The following NOL4 variants were observed in gnomAD, a reference collection of about 807,000 sequenced individuals.
NOL4 encodes the protein cancer/testis antigen 125.
Under a neutral mutation model 75.9 loss-of-function variants are expected in NOL4, and 17 were observed. That is an observed-to-expected ratio of 0.22 (90% confidence interval 0.15 to 0.34). NOL4 has a LOEUF of 0.34. Ranked by LOEUF, NOL4 falls within the 10% of genes least tolerant of loss-of-function variation. The probability of loss-of-function intolerance (pLI) is 1.00; values close to 1 mark genes in which losing one functional copy is unlikely to be tolerated. For missense variants in NOL4, 614 were observed against 793.5 expected, an observed-to-expected ratio of 0.77 and a Z score of 2.72; for synonymous variants, 292 against 289.9, an observed-to-expected ratio of 1.01 and a Z score of -0.07.
rs879620026 is a variant in NOL4, at chr18:33,930,831, C to A, written c.1542+12234G>T. ...AATATAAATGTATATCAGGAGACAA[C>A]TTAAAATAGTTGAATGAAAAATAAA... On this transcript the variant is annotated intron_variant, in intron 9 of 10. Transcript: ENST00000261592. 1.1e-4 allele frequency among the ~76,000 whole-genome samples: 16 copies of A among 152,012 alleles called. No individual in the cohort carries two copies. The East Asian group carries it at 3.1e-3, about 29-fold the overall frequency.
In NOL4 at chr18:33,852,753, T is replaced by C; in HGVS notation, c.*89A>G. ...GTATTTCTCTTAAAAGACTGTGCAG[T>C]AAGACCAGAAGTATCTCTGTTGGGA... is the stretch of plus-strand genomic sequence containing the variant. On this transcript the variant is annotated 3_prime_UTR_variant, in exon 11 of 11. Coordinates refer to ENST00000261592, the MANE Select transcript of NOL4 (RefSeq NM_003787.5). The C allele has an allele frequency of 8.8e-7, 1 of 1,133,246 alleles. No individual in the cohort carries two copies. The highest frequency in any genetic ancestry group is 1.3e-6 in the Non-Finnish European group (1 of 784,512). 70.2% of individuals were successfully genotyped at this position (1,133,246 alleles called of 1,614,324 possible).
At chr18:33,971,603 T>C (rs2071069456) in intron 6 of NOL4, among the ~76,000 whole-genome samples, 1 of 152,172 alleles carries the variant, frequency 6.6e-6, no homozygotes, top group African/African-American at 2.4e-5. Context: ...CTGTAAGTGA[T>C]GTTGGGAGAC....
At chr18:34,207,653 G>T (rs1423049741) in intron 1 of NOL4, among the ~76,000 whole-genome samples, 1 of 152,144 alleles carries the variant, frequency 6.6e-6, no homozygotes, top group Non-Finnish European at 1.5e-5. Context: ...ATTCCCAACA[G>T]ATTACTTTTT....
intron 4 of NOL4, among the ~76,000 whole-genome samples, chr18:34,094,703 G>C (rs1487806708): frequency 6.6e-6 from 1 of 152,186 alleles, no homozygotes; most frequent in South Asian, 2.1e-4. Context: ...TGTTTGATCT[G>C]AACGTTTAAC....
rs116083680 is a variant in NOL4, at chr18:34,184,954, T to A, written c.264+38036A>T. Among the ~76,000 whole-genome samples the A allele has an allele frequency of 5.9e-3, 903 of 152,250 alleles. 7 individuals are homozygous for A. Among genetic ancestry groups the A allele is most frequent in the African/African-American group, 0.021 (862 of 41,564 alleles). On this transcript the variant is annotated intron_variant, in intron 1 of 10. Coordinates refer to ENST00000261592, the MANE Select transcript of NOL4 (RefSeq NM_003787.5). The stretch of plus-strand genomic sequence containing the variant: ...AATTCAGAAGCGGTGAGCAGAAACC[T>A]GTGGAGGCTAAATAGGACCTCAGAT...
intron 1 of NOL4, among the ~76,000 whole-genome samples, chr18:34,196,796 T>C (rs1047009316): frequency 6.6e-6 from 1 of 152,070 alleles, no homozygotes; most frequent in African/African-American, 2.4e-5. Flanking sequence ...AGAAACTAAA[T>C]AATATTAAAC....
intron 9 of NOL4, among the ~76,000 whole-genome samples, chr18:33,939,092 T>C (rs756543530): frequency 6.6e-6 from 1 of 152,102 alleles, no homozygotes; most frequent in Non-Finnish European, 1.5e-5. Context: ...GTTGTAGATG[T>C]GTGGTGTTAT....
chr18:34,154,584 G>A (rs987241898), intron 1 of NOL4, among the ~76,000 whole-genome samples: 6 of 151,760 alleles, frequency 4.0e-5, no homozygotes, highest in Admixed American at 2.6e-4. Context: ...TTTTTTTCAG[G>A]AAAAACATTA....
At position 33,887,100 on chromosome 18, in the gene NOL4, T is replaced by TA. The variant is rs1203862872; in HGVS notation, c.1543-3677dup. Among the ~76,000 whole-genome samples, 6 of 142,670 alleles carry TA rather than the reference T, an allele frequency of 4.2e-5. No individual in the cohort carries two copies. In the East Asian group the frequency reaches 6.0e-4, roughly 14 times the overall value. The allele number at this position is 142,670 out of a possible 152,430, so 93.6% of individuals were successfully genotyped here. A position where few individuals can be genotyped will look rare whatever the true frequency, so the allele number is the denominator to read the frequency against. ...TATCTATATATATTAGATATAGATATATATATCTCTGTATCTATATATATT... is the reference window on the plus strand; with the variant it reads ...TATCTATATATATTAGATATAGATATAATATATCTCTGTATCTATATATATT... On this transcript the variant is annotated intron_variant, in intron 9 of 10. Coordinates refer to ENST00000261592, the MANE Select transcript of NOL4 (RefSeq NM_003787.5).
At chr18:33,916,791 T>C (rs574878359) in intron 9 of NOL4, among the ~76,000 whole-genome samples, 69 of 152,330 alleles carry the variant, frequency 4.5e-4, no homozygotes, top group Non-Finnish European at 8.4e-4. Flanking sequence ...CAGATGTTTA[T>C]AGGCAAACAT....
intron 1 of NOL4, among the ~76,000 whole-genome samples, chr18:34,146,730 GT>G (rs577790396): frequency 5.7e-4 from 84 of 147,582 alleles, no homozygotes; most frequent in South Asian, 1.7e-3. Flanking sequence ...ATTTAAAGTA[GT>G]TTTTTTTTTT....
Position 33,883,418 on chromosome 18 carries a change from A to C in NOL4, c.1549T>G (p.Ser517Ala), listed in dbSNP as rs770577603. 2.5e-6 allele frequency: 4 copies of C among 1,606,032 alleles called. No individual in the cohort carries two copies. The East Asian group carries it at 6.7e-5, about 27-fold the overall frequency. ...TTACACTGTTTGTCAGCTGGAGCAG[A>C]CTCATCCTGCAAGGACAGACAGCAT... ...RMRLERQQDE[S>A]APADKQCKPE... is the part of the protein sequence containing the mutation. Residue 517 changes from serine to alanine, a missense_variant, in exon 10 of 11, where the codon TCT becomes GCT. By Grantham distance (99) the Ser-to-Ala change is moderately conservative. This residue lies in a region of NOL4 where 128 missense variants were observed against 159.9 expected (regional missense o/e 0.80). Transcript: ENST00000261592.
intron 9 of NOL4, among the ~76,000 whole-genome samples, chr18:33,888,437 T>A (rs966099087): frequency 6.6e-6 from 1 of 152,162 alleles, no homozygotes; most frequent in Non-Finnish European, 1.5e-5. Flanking sequence ...ATCCCATTTG[T>A]CAATTTTGTC....
At chr18:34,009,315 G>A (rs948014267) in intron 6 of NOL4, among the ~76,000 whole-genome samples, 1 of 151,806 alleles carries the variant, frequency 6.6e-6, no homozygotes, top group Non-Finnish European at 1.5e-5. Flanking sequence ...AGGAAGAAGG[G>A]ACAAAAGAAG....
intron 5 of NOL4, among the ~76,000 whole-genome samples, chr18:34,040,387 T>G (rs2076089469): frequency 6.6e-6 from 1 of 151,988 alleles, no homozygotes. Flanking sequence ...AGGATTAAGC[T>G]ATTTTGAGGT....
At chr18:34,199,234 T>C (rs561785980) in intron 1 of NOL4, among the ~76,000 whole-genome samples, 1 of 150,720 alleles carries the variant, frequency 6.6e-6, no homozygotes, top group African/African-American at 2.4e-5. Context: ...TTCAGCTCTA[T>C]GAAGGGATTT....
chr18:34,082,422 TA>T (rs2078053764), intron 5 of NOL4, among the ~76,000 whole-genome samples: 1 of 152,156 alleles, frequency 6.6e-6, no homozygotes, highest in Non-Finnish European at 1.5e-5. Context: ...TTAAAAAGCT[TA>T]TTCCTCAAAC....
chr18:34,033,669 A>G (rs2075750759), intron 5 of NOL4, among the ~76,000 whole-genome samples: 1 of 152,140 alleles, frequency 6.6e-6, no homozygotes, highest in Non-Finnish European at 1.5e-5. Flanking sequence ...TTAGGAAGAA[A>G]TTTAGACATT....
chr18:33,966,833 CAT>C (rs2070642644), intron 6 of NOL4, among the ~76,000 whole-genome samples: 1 of 152,070 alleles, frequency 6.6e-6, no homozygotes, highest in South Asian at 2.1e-4. Context: ...TCAGAGATGA[CAT>C]AAGCAAATGG....
Sources: allele counts gnomAD v4.1 joint callset (sites outside exome capture counted in the v4.1 genomes callset), GRCh38; gene constraint gnomAD v4.1.1; regional missense constraint gnomAD v4.1.1; transcripts MANE v1.5; gene names NCBI Gene and HGNC (gene_info 2026-07-23, HGNC 2026-07-21).